GIPC1: variants seen among roughly 807,000 people sequenced by gnomAD.
GIPC1 encodes the protein GIPC PDZ domain containing family member 1, also known as PDZ domain-containing protein GIPC1.
A neutral mutation model predicts 28.5 loss-of-function variants in GIPC1; 15 were observed. The ratio of observed to expected loss-of-function variants is 0.53; its 90% confidence interval spans 0.35 to 0.81. GIPC1 has a LOEUF of 0.81. Among genes scored for constraint, GIPC1 ranks in the 30% least tolerant of loss-of-function variants. GIPC1 has a pLI of 0.01. For missense variants in GIPC1, 439 were observed against 481.9 expected (o/e 0.91, Z 0.83); for synonymous variants, 224 against 206.1 (o/e 1.09, Z -0.74).
intron 3 of GIPC1, among the ~76,000 whole-genome samples, chr19:14,485,084 T>C (rs2071806499): frequency 6.6e-6 from 1 of 151,930 alleles, no homozygotes; most frequent in Non-Finnish European, 1.5e-5. Flanking sequence ...CGCTTGAACC[T>C]GGGAGGCAGA....
chr19:14,485,702 T>TATATATATATATATAGAG (rs1300117748), intron 3 of GIPC1, among the ~76,000 whole-genome samples: 20 of 58,744 alleles, frequency 3.4e-4, no homozygotes, highest in African/African-American at 6.3e-4. Flanking sequence ...TATATATATA[T>TATATATATATATATAGAG]AGAGAGAGAG....
chr19:14,478,322 T>A lies in GIPC1; in HGVS notation c.*94A>T, dbSNP rs2071644100. 7.6e-7 allele frequency: 1 copy of A among 1,319,344 alleles called. No individual in the cohort carries two copies. The highest frequency in any genetic ancestry group is 2.3e-5 in the Admixed American group (1 of 44,180). 81.7% of individuals were successfully genotyped at this position (1,319,344 alleles called of 1,614,324 possible). On this transcript the variant is annotated 3_prime_UTR_variant, in exon 9 of 9. Coordinates refer to ENST00000393033, the MANE Select transcript of GIPC1 (RefSeq NM_005716.4). This position sits in a 1 kb window ranked among gnomAD's most constrained non-coding sequence, Gnocchi z 5.2. ...TCGTCCTTGGGCTGCTGAGCTAGGC[T>A]CAGGCTGGAGGCTCGGGTCCTGACG...
chr19:14,479,822 G>C, intron 6 of GIPC1: 1 of 392,464 alleles, frequency 2.5e-6, no homozygotes, highest in Non-Finnish European at 4.6e-6. Context: ...GTGTACCCCA[G>C]CCTGAGTCTC....
Position 14,485,688 on chromosome 19 carries a change from T to A in GIPC1, c.-30-2682A>T, listed in dbSNP as rs768621590. ...AAATAAATAAATAAATAAACAAATA[T>A]ATATATATATATATAGAGAGAGAGA... On this transcript the variant is annotated intron_variant, in intron 3 of 8. Transcript: ENST00000393033. Among the ~76,000 whole-genome samples, 36 of 53,666 alleles carry A rather than the reference T, an allele frequency of 6.7e-4. 3 individuals are homozygous for A. The highest frequency in any genetic ancestry group is 1.5e-3 in the South Asian group (2 of 1,340). The allele number at this position is 53,666 out of a possible 152,430, so 35.2% of individuals were successfully genotyped here.
At chr19:14,488,618 G>A (rs149149608) in intron 3 of GIPC1, among the ~76,000 whole-genome samples, 2,167 of 151,828 alleles carry the variant, frequency 0.014, 32 homozygotes, top group Non-Finnish European at 0.018. Flanking sequence ...CAGGTATGGT[G>A]GTGCATGCAA....
chr19:14,491,929 G>A (rs1256970526), intron 2 of GIPC1, among the ~76,000 whole-genome samples, 186 bp from the exon 3 acceptor site: 2 of 152,076 alleles, frequency 1.3e-5, no homozygotes, highest in African/African-American at 2.4e-5. Context: ...TTAGCCAGGC[G>A]TGGTGGCGGG....
At chr19:14,490,974 C>CAA (rs111731833) in intron 3 of GIPC1, among the ~76,000 whole-genome samples, 5,663 of 112,862 alleles carry the variant, frequency 0.05, 442 homozygotes, top group African/African-American at 0.15. Flanking sequence ...GACTCCATCT[C>CAA]AAAAAAAAAA....
chr19:14,479,663 G>T, intron 6 of GIPC1, 139 bp from the exon 7 acceptor site: 1 of 481,406 alleles, frequency 2.1e-6, no homozygotes, highest in Non-Finnish European at 3.7e-6. Context: ...TGGGGCCGGG[G>T]TGATCCCAGG....
At chr19:14,493,024 G>A (rs1353517358) in intron 1 of GIPC1, 112 bp from the exon 2 acceptor site, 1 of 152,426 alleles carries the variant, frequency 6.6e-6, no homozygotes. Context: ...GGACGCTGTT[G>A]TCATTACTAT....
At chr19:14,494,062 C>T (rs113534861) in intron 1 of GIPC1, among the ~76,000 whole-genome samples, 2,024 of 152,036 alleles carry the variant, frequency 0.013, 46 homozygotes, top group African/African-American at 0.047. Context: ...CGGGTTCAAG[C>T]GATTCTCCTG....
intron 7 of GIPC1, 58 bp downstream of exon 7, chr19:14,479,354 A>AG: frequency 1.8e-6 from 1 of 547,696 alleles, no homozygotes; most frequent in Non-Finnish European, 2.7e-6. Flanking sequence ...CTCTGTCTCA[A>AG]AAAAAAAAAA....
In GIPC1 at chr19:14,479,641, GT is replaced by G. The variant is rs2071682026; in HGVS notation, c.656-118del. 9 of 515,642 alleles carry G rather than the reference GT, an allele frequency of 1.7e-5. No homozygotes were observed. The South Asian group carries it at 3.5e-4, about 20-fold the overall frequency. 31.9% of individuals were successfully genotyped at this position (515,642 alleles called of 1,614,324 possible). ...CCCAAACTTCTCCAGGCTTCTGCAA[GT>G]TTCTGGGGGCTGGGGCCGGGGTGAT... On this transcript the variant is annotated intron_variant, in intron 6 of 8. Transcript: ENST00000393033.
chr19:14,486,028 C>G (rs1176298279), intron 3 of GIPC1, among the ~76,000 whole-genome samples: 1 of 152,104 alleles, frequency 6.6e-6, no homozygotes, highest in Non-Finnish European at 1.5e-5. Context: ...CCTCGGCCTC[C>G]CAAAGTGCTG....
Position 14,478,194 on chromosome 19 carries a change from A to C in GIPC1, c.*222T>G. The C allele has an allele frequency of 9.8e-5, 48 of 490,412 alleles. No individual in the cohort carries two copies. The highest frequency in any genetic ancestry group is 1.4e-4 in the Non-Finnish European group (39 of 274,072). 30.4% of individuals were successfully genotyped at this position (490,412 alleles called of 1,614,324 possible). On this transcript the variant is annotated 3_prime_UTR_variant, in exon 9 of 9. Transcript: ENST00000393033. This position sits in a 1 kb window ranked among gnomAD's most constrained non-coding sequence, Gnocchi z 5.2. ...CTGACCCAGCTGAGGTAGGTGGGGA[A>C]CAGGGCACAGGGGGGCCGGGGACCC...
At position 14,483,001 on chromosome 19, in the gene GIPC1, G is replaced by A; in HGVS notation, c.-25C>T. 2 of 1,603,290 alleles carry A rather than the reference G, an allele frequency of 1.2e-6. No homozygotes were observed. On this transcript the variant is annotated 5_prime_UTR_variant, in exon 4 of 9. Coordinates refer to ENST00000393033, the MANE Select transcript of GIPC1 (RefSeq NM_005716.4). Reference sequence around the variant, plus strand: ...TGAGCAGCGAGAAGTGGGGTCACCAGAAGATCTGCAGGACAGGAAGTGGGG... The same window carrying A: ...TGAGCAGCGAGAAGTGGGGTCACCAAAAGATCTGCAGGACAGGAAGTGGGG...
chr19:14,482,767 A>G lies in GIPC1; in HGVS notation c.210T>C (p.Thr70=), dbSNP rs2071757906. 1 of 1,610,150 alleles carries G rather than the reference A, an allele frequency of 6.2e-7. No homozygotes were observed. Among genetic ancestry groups the G allele is most frequent in the Admixed American group, 1.7e-5 (1 of 59,858 alleles). The stretch of plus-strand genomic sequence containing the variant: ...CGTTGGTGAAGCCCTCGATGCGGCC[A>G]GTGGGACTGCCATGGGCCAGCTGGG... The part of the protein sequence containing the change: ...FHTQLAHGSP[T]GRIEGFTNVK... The change falls in exon 4 of 9, where the codon ACT becomes ACC. Residue 70 remains threonine (T), a synonymous_variant. Coordinates refer to ENST00000393033, the MANE Select transcript of GIPC1 (RefSeq NM_005716.4).
In GIPC1 at chr19:14,490,294, A is replaced by C. The variant is rs191474036; in HGVS notation, c.-31+1362T>G. Among the ~76,000 whole-genome samples the C allele has an allele frequency of 3.8e-4, 58 of 151,992 alleles. No homozygotes were observed. The East Asian group carries it at 9.8e-3, about 26-fold the overall frequency. On this transcript the variant is annotated intron_variant, in intron 3 of 8. Coordinates refer to ENST00000393033, the MANE Select transcript of GIPC1 (RefSeq NM_005716.4). Reference sequence around the variant, plus strand: ...GGCAGGAGAATTGCTTGAACCTGGGAGGTGGAGGTTGCGGTGAATCAAGAC... The same window carrying C: ...GGCAGGAGAATTGCTTGAACCTGGGCGGTGGAGGTTGCGGTGAATCAAGAC...
chr19:14,482,758 G>A lies in GIPC1; in HGVS notation c.219C>T (p.Ile73=), dbSNP rs1220298146. The change falls in exon 4 of 9, where the codon ATC becomes ATT. Residue 73 remains isoleucine (I), a synonymous_variant. Coordinates refer to ENST00000393033, the MANE Select transcript of GIPC1 (RefSeq NM_005716.4). ...QLAHGSPTGR[I]EGFTNVKELY... Reference sequence around the variant, plus strand: ...GCTCCTTGACGTTGGTGAAGCCCTCGATGCGGCCAGTGGGACTGCCATGGG... The same window carrying A: ...GCTCCTTGACGTTGGTGAAGCCCTCAATGCGGCCAGTGGGACTGCCATGGG... 10 of 1,611,124 alleles carry A rather than the reference G, an allele frequency of 6.2e-6. No individual in the cohort carries two copies. Among genetic ancestry groups the A allele is most frequent in the African/African-American group, 4.0e-5 (3 of 74,882 alleles).
Position 14,480,474 on chromosome 19 carries a change from C to T in GIPC1, c.486G>A (p.Glu162=). The change falls in exon 6 of 9, where the codon GAG becomes GAA. Residue 162 remains glutamate (E), a synonymous_variant. Transcript: ENST00000393033. ...GGTGGATGTGGTCGATCACGCTGCC[C>T]TCCTTGATGCGCTGCGGGGGCGGGG... ...AGYAFIKRIK[E]GSVIDHIHLI... 6.2e-7 allele frequency: 1 copy of T among 1,611,348 alleles called. No individual in the cohort carries two copies. Among genetic ancestry groups the T allele is most frequent in the Non-Finnish European group, 8.5e-7 (1 of 1,178,046 alleles).
Sources: gnomAD v4.1 joint callset for allele counts (sites outside exome capture counted in the v4.1 genomes callset) on GRCh38, gnomAD v4.1.1 for gene constraint, Gnocchi (gnomAD v3.1) non-coding constraint, MANE v1.5 for transcripts, NCBI Gene and HGNC (gene_info 2026-07-23, HGNC 2026-07-21) for gene names.